The following FBLN7 variants were observed in gnomAD, a reference collection of about 807,000 sequenced individuals.
FBLN7 encodes the protein fibulin-7.
In FBLN7, 31 loss-of-function variants were observed where a neutral mutation model predicts 44.0. That is an observed-to-expected ratio of 0.70 (90% CI 0.53 to 0.95). FBLN7 has a LOEUF of 0.95. Among genes scored for constraint, FBLN7 ranks in the 40% least tolerant of loss-of-function variants. The pLI is 0.00. For synonymous variants in FBLN7, 262 were observed against 253.4 expected, an observed-to-expected ratio of 1.03 and a Z score of -0.32; for missense variants, 573 against 618.5, an observed-to-expected ratio of 0.93 and a Z score of 0.78.
chr2:112,202,857 TA>T, the FBLN7 span, among the ~76,000 whole-genome samples: 1 of 152,070 alleles, frequency 6.6e-6, no homozygotes, highest in Admixed American at 6.5e-5. Flanking sequence ...CACCCCCCAC[TA>T]AAATTCACTA....
intron 1 of FBLN7, among the ~76,000 whole-genome samples, chr2:112,143,876 C>T (rs1469386944): frequency 1.3e-5 from 2 of 152,160 alleles, no homozygotes; most frequent in Non-Finnish European, 2.9e-5. Context: ...AGTCACTGCA[C>T]CCGGCCTCCA....
chr2:112,166,576 T>C (rs1343035470), intron 3 of FBLN7, among the ~76,000 whole-genome samples: 1 of 152,052 alleles, frequency 6.6e-6, no homozygotes, highest in Non-Finnish European at 1.5e-5. Context: ...GTAAAAGTCA[T>C]GTAACATGCG....
intron 2 of FBLN7, among the ~76,000 whole-genome samples, chr2:112,161,420 C>T (rs1222687616): frequency 6.6e-6 from 1 of 152,198 alleles, no homozygotes; most frequent in Non-Finnish European, 1.5e-5. Context: ...CCAAGCCTCA[C>T]ACTTTCCAAG....
the FBLN7 span, among the ~76,000 whole-genome samples, chr2:112,201,419 G>T: frequency 6.6e-6 from 1 of 151,998 alleles, no homozygotes; most frequent in Non-Finnish European, 1.5e-5. Context: ...CTCAGGTCTC[G>T]CATTTGTTCC....
At chr2:112,140,807 C>A (rs1354664813) in intron 1 of FBLN7, among the ~76,000 whole-genome samples, 1 of 152,278 alleles carries the variant, frequency 6.6e-6, no homozygotes, top group Non-Finnish European at 1.5e-5. Flanking sequence ...GTTTCCGAAG[C>A]GGTCCCTTCC....
At chr2:112,240,342 C>T in the FBLN7 span, 3 of 152,214 alleles carry the variant, frequency 2.0e-5, no homozygotes, top group East Asian at 1.9e-4. Flanking sequence ...AAAGGTTGGC[C>T]GACTCCTGTG....
At chr2:112,233,191 A>T in the FBLN7 span, 1 of 1,046,378 alleles carries the variant, frequency 9.6e-7, no homozygotes, top group Non-Finnish European at 1.3e-6. Flanking sequence ...GGTTTCATTA[A>T]AAATTTTGCA....
intron 1 of FBLN7, among the ~76,000 whole-genome samples, chr2:112,150,940 C>T (rs897547550): frequency 5.9e-5 from 9 of 152,170 alleles, no homozygotes; most frequent in African/African-American, 2.2e-4. Context: ...CGGGGTGCTG[C>T]ATTGGAGGGT....
At chr2:112,165,760 G>T (rs531761287) in intron 3 of FBLN7, among the ~76,000 whole-genome samples, 2 of 152,204 alleles carry the variant, frequency 1.3e-5, no homozygotes. Context: ...GGCTCCAGGA[G>T]AGTCCACTGT....
At chr2:112,182,647 G>A (rs1683059795) in intron 5 of FBLN7, 144 bp from the exon 6 acceptor site, 3 of 926,700 alleles carry the variant, frequency 3.2e-6, no homozygotes, top group Admixed American at 2.9e-5. Context: ...TCTGCTGGGG[G>A]TAGGGCATGG....
intron 2 of FBLN7, among the ~76,000 whole-genome samples, chr2:112,160,810 A>ACAAG (rs1681812982): frequency 4.8e-5 from 7 of 146,454 alleles, no homozygotes; most frequent in Middle Eastern, 3.2e-3. Context: ...GCACGCACAC[A>ACAAG]CACGCACACA....
the FBLN7 span, among the ~76,000 whole-genome samples, chr2:112,202,122 A>C: frequency 3.9e-5 from 6 of 152,220 alleles, no homozygotes; most frequent in African/African-American, 1.4e-4. Flanking sequence ...CTTCTGTGGA[A>C]TCTCTTAAAA....
chr2:112,229,104 G>A, the FBLN7 span, among the ~76,000 whole-genome samples: 1 of 152,140 alleles, frequency 6.6e-6, no homozygotes. Flanking sequence ...AAATGGAGAA[G>A]AACTGACATC....
At chr2:112,231,815 A>G in the FBLN7 span, 2 of 1,443,504 alleles carry the variant, frequency 1.4e-6, no homozygotes, top group Admixed American at 4.1e-5. Flanking sequence ...AAAAAACAAA[A>G]GATTATTAAA....
chr2:112,160,590 C>T (rs192767093), intron 2 of FBLN7, among the ~76,000 whole-genome samples: 33 of 152,238 alleles, frequency 2.2e-4, no homozygotes, highest in African/African-American at 7.9e-4. Context: ...AAGTTCATAG[C>T]AGAGTTGAGT....
intron 3 of FBLN7, among the ~76,000 whole-genome samples, chr2:112,172,186 A>G (rs1002025951): frequency 2.0e-5 from 3 of 152,266 alleles, no homozygotes; most frequent in African/African-American, 7.2e-5. Flanking sequence ...ATATCTAATT[A>G]GAGTAAAAAT....
the FBLN7 span, among the ~76,000 whole-genome samples, chr2:112,243,407 C>A: frequency 1.3e-5 from 2 of 152,218 alleles, no homozygotes; most frequent in South Asian, 2.1e-4. Flanking sequence ...CAATTAAGAT[C>A]ATATTCTGGT....
At chr2:112,236,799 C>A in the FBLN7 span, 1 of 1,073,506 alleles carries the variant, frequency 9.3e-7, no homozygotes, top group Admixed American at 2.5e-5. Context: ...GTAATCCCAG[C>A]TCTTTGGGAG....
the FBLN7 span, among the ~76,000 whole-genome samples, chr2:112,224,294 ACT>A: frequency 6.6e-6 from 1 of 152,140 alleles, no homozygotes; most frequent in Non-Finnish European, 1.5e-5. Context: ...AAAAAGAAAA[ACT>A]CTGGTCATGT....
Sources: allele counts gnomAD v4.1 joint callset (sites outside exome capture counted in the v4.1 genomes callset), GRCh38; gene constraint gnomAD v4.1.1; transcripts MANE v1.5; gene names NCBI Gene and HGNC (gene_info 2026-07-23, HGNC 2026-07-21).